ANKRD42: variants seen among roughly 807,000 people sequenced by gnomAD.
ANKRD42 encodes ankyrin repeat domain-containing protein 42.
A neutral mutation model predicts 51.5 loss-of-function variants in ANKRD42; 43 were observed. The ratio of observed to expected loss-of-function variants is 0.83; its 90% CI spans 0.65 to 1.08. The LOEUF is 1.08. ANKRD42 is among the 50% of genes least tolerant of loss of function. The pLI is 0.00. For missense variants in ANKRD42, 608 were observed against 629.3 expected, an observed-to-expected ratio of 0.97 and a Z score of 0.36; for synonymous variants, 203 against 213.0, an observed-to-expected ratio of 0.95 and a Z score of 0.41.
chr11:83,261,483 G>C (rs1341810725), downstream of ANKRD42: 3 of 152,728 alleles, frequency 2.0e-5, no homozygotes, highest in African/African-American at 7.2e-5. Context: ...TCATTTTATA[G>C]AAAAATGTAA....
chr11:83,245,503 G>A lies in ANKRD42; in HGVS notation c.1201G>A (p.Ala401Thr). ...DLDKTDARMR[A>T]YKKIVELRHL... is the part of the protein sequence containing the mutation. ...TACTCAACTCTGTCTTGCAGTGAGA[G>A]CTTACAAGAAAATTGTAGAATTGAG... The change falls in exon 10 of 11, where the codon GCT becomes ACT. Residue 401 changes from alanine to threonine, a missense_variant. Ala to Thr is a moderately conservative substitution (Grantham distance 58). Coordinates refer to ENST00000533342, the MANE Select transcript of ANKRD42 (RefSeq NM_001300975.2). 1.3e-6 allele frequency: 2 copies of A among 1,536,194 alleles called. No homozygotes were observed. The highest frequency in any genetic ancestry group is 2.4e-5 in the East Asian group (1 of 40,908).
chr11:83,225,308 G>A (rs1317798576), intron 6 of ANKRD42, among the ~76,000 whole-genome samples: 3 of 151,830 alleles, frequency 2.0e-5, no homozygotes, highest in East Asian at 1.9e-4. Context: ...GGCACATGCC[G>A]GTAATCCCAG....
At position 83,233,600 on chromosome 11, in the gene ANKRD42, A is replaced by C. The variant is rs188722566; in HGVS notation, c.914-2804A>C. Reference sequence around the variant, plus strand: ...TTCATTTGTTTCTGCTCTGATCTTTATTGTTTCTTTTCTTTTACTAATTTT... The same window carrying C: ...TTCATTTGTTTCTGCTCTGATCTTTCTTGTTTCTTTTCTTTTACTAATTTT... On this transcript the variant is annotated intron_variant, in intron 7 of 10. Coordinates refer to ENST00000533342, the MANE Select transcript of ANKRD42 (RefSeq NM_001300975.2). Among the ~76,000 whole-genome samples, 26 of 151,392 alleles carry C rather than the reference A, an allele frequency of 1.7e-4. No individual in the cohort carries two copies. In the East Asian group the frequency reaches 4.9e-3, roughly 28 times the overall value.
chr11:83,246,089 T>C (rs1863533876), intron 10 of ANKRD42, among the ~76,000 whole-genome samples: 5 of 152,174 alleles, frequency 3.3e-5, no homozygotes, highest in Admixed American at 3.3e-4. Context: ...CTAAATTGGC[T>C]CTCTGGACAA....
At chr11:83,195,830 A>ACTCT (rs1183472287) in intron 1 of ANKRD42, among the ~76,000 whole-genome samples, 1 of 138,496 alleles carries the variant, frequency 7.2e-6, no homozygotes, top group Non-Finnish European at 1.5e-5. Context: ...TGATCTACCT[A>ACTCT]CTCTCTCTCT....
chr11:83,195,265 A>G (rs1861597611), intron 1 of ANKRD42, among the ~76,000 whole-genome samples: 1 of 152,202 alleles, frequency 6.6e-6, no homozygotes, highest in African/African-American at 2.4e-5. Context: ...TTTACTGCAT[A>G]TGCCTACTTT....
chr11:83,213,676 T>TTG, intron 5 of ANKRD42: 1 of 608,150 alleles, frequency 1.6e-6, no homozygotes, highest in Admixed American at 5.0e-5. Context: ...TTTGGTTTTT[T>TTG]TGTGTGTGTG....
chr11:83,263,398 G>A (rs920163032), downstream of ANKRD42, among the ~76,000 whole-genome samples: 1 of 152,060 alleles, frequency 6.6e-6, no homozygotes, highest in Admixed American at 6.5e-5. Flanking sequence ...AACAACAATT[G>A]GAGCCATCTC....
downstream of ANKRD42, among the ~76,000 whole-genome samples, chr11:83,252,451 T>A (rs1863691346): frequency 6.6e-6 from 1 of 152,218 alleles, no homozygotes; most frequent in African/African-American, 2.4e-5. Context: ...ATCTAAAAAT[T>A]CCCTCAACAG....
chr11:83,241,400 GAT>G (rs1415846068), intron 9 of ANKRD42, among the ~76,000 whole-genome samples: 2 of 152,138 alleles, frequency 1.3e-5, no homozygotes, highest in African/African-American at 2.4e-5. Context: ...TAAGAAAATA[GAT>G]ATATAAAGTA....
At chr11:83,213,055 TAAG>T in intron 5 of ANKRD42, 1 of 1,600,128 alleles carries the variant, frequency 6.2e-7, no homozygotes, top group Non-Finnish European at 8.5e-7. Flanking sequence ...AAAAGAGAAC[TAAG>T]AAGTTCTTCC....
At chr11:83,251,285 T>G (rs1863670652), downstream of ANKRD42, among the ~76,000 whole-genome samples, 1 of 152,140 alleles carries the variant, frequency 6.6e-6, no homozygotes, top group Admixed American at 6.5e-5. Flanking sequence ...TCAAGCACCT[T>G]GTACTGGTCT....
intron 11 of ANKRD42, among the ~76,000 whole-genome samples, chr11:83,255,618 C>A (rs1381692551): frequency 2.0e-5 from 3 of 152,174 alleles, no homozygotes; most frequent in African/African-American, 7.2e-5. Flanking sequence ...TTTCTATATT[C>A]TTTCTCTAGT....
At chr11:83,263,729 G>C (rs1258928270), downstream of ANKRD42, among the ~76,000 whole-genome samples, 5 of 152,176 alleles carry the variant, frequency 3.3e-5, no homozygotes, top group African/African-American at 1.2e-4. Flanking sequence ...AGTGAAAGTG[G>C]AATGATAAGA....
chr11:83,260,167 C>G (rs528361598), downstream of ANKRD42: 1 of 152,260 alleles, frequency 6.6e-6, no homozygotes, highest in African/African-American at 2.4e-5. Flanking sequence ...AGACGCATTC[C>G]CTCTTAATAT....
Position 83,206,092 on chromosome 11 carries a change from T to C in ANKRD42, c.257T>C (p.Ile86Thr), listed in dbSNP as rs1590966999. ...TGGCTGCTCTGGCATGGAGCTGATA[T>C]CACACACGTAACAACGAGAGGTTGG... Reference protein sequence around the residue: ...LHWLLWHGADITHVTTRGWTA... With the variant: ...LHWLLWHGADTTHVTTRGWTA... Residue 86 changes from isoleucine (I) to threonine (T), a missense_variant, in exon 3 of 11, where the codon ATC (isoleucine) becomes ACC (threonine). By Grantham distance (89) the Ile-to-Thr change is moderately conservative. Transcript: ENST00000533342. The C allele has an allele frequency of 6.2e-7, 1 of 1,614,068 alleles. No individual in the cohort carries two copies. Among genetic ancestry groups the C allele is most frequent in the Non-Finnish European group, 8.5e-7 (1 of 1,179,934 alleles).
chr11:83,255,823 C>T (rs1863761409), intron 11 of ANKRD42: 1 of 1,500,144 alleles, frequency 6.7e-7, no homozygotes, highest in South Asian at 1.3e-5. Flanking sequence ...TTGTATTTGA[C>T]CCTCTTTTCC....
intron 11 of ANKRD42, among the ~76,000 whole-genome samples, chr11:83,255,093 C>A (rs1863743684): frequency 1.3e-5 from 2 of 152,320 alleles, no homozygotes; most frequent in South Asian, 2.1e-4. Flanking sequence ...AGAACTAACT[C>A]CAGCCATGGG....
At chr11:83,223,693 G>T (rs2135525467) in intron 5 of ANKRD42, among the ~76,000 whole-genome samples, 1 of 152,256 alleles carries the variant, frequency 6.6e-6, no homozygotes, top group East Asian at 1.9e-4. Context: ...TTTCAGGGGG[G>T]CAGGGCCTAG....
Sources: allele counts gnomAD v4.1 joint callset (sites outside exome capture counted in the v4.1 genomes callset), GRCh38; gene constraint gnomAD v4.1.1; transcripts MANE v1.5; gene names NCBI Gene and HGNC (gene_info 2026-07-23, HGNC 2026-07-21).